ARHGAP24: variants seen among roughly 807,000 people sequenced by gnomAD.
ARHGAP24 encodes rho GTPase-activating protein 24.
A neutral mutation model predicts 76.4 loss-of-function variants in ARHGAP24; 50 were observed. The observed-to-expected ratio is 0.65, with a 90% CI of 0.52 to 0.83. The LOEUF (loss-of-function observed/expected upper bound fraction) is 0.83. Ranked by LOEUF, ARHGAP24 falls within the 40% of genes least tolerant of loss-of-function variation. ARHGAP24 has a pLI of 0.00. For synonymous variants in ARHGAP24, 345 were observed against 323.3 expected (o/e 1.07, Z -0.72); for missense variants, 930 against 914.2 (o/e 1.02, Z -0.22).
chr4:85,603,394 A>G (rs770387965), intron 2 of ARHGAP24, among the ~76,000 whole-genome samples: 35 of 152,184 alleles, frequency 2.3e-4, no homozygotes, highest in Admixed American at 3.3e-4. Flanking sequence ...CTCCCTTCAT[A>G]TAAGAGCTTA....
At chr4:85,753,553 T>C (rs1578198441) in intron 3 of ARHGAP24, among the ~76,000 whole-genome samples, 2 of 152,344 alleles carry the variant, frequency 1.3e-5, no homozygotes, top group South Asian at 4.1e-4. Context: ...CAGAGTAATA[T>C]TTGGAAGTCA....
intron 3 of ARHGAP24, among the ~76,000 whole-genome samples, chr4:85,739,127 C>G (rs1338079300): frequency 1.3e-5 from 2 of 152,184 alleles, no homozygotes; most frequent in African/African-American, 2.4e-5. Context: ...GGCCTTGCCC[C>G]TTTCCTAGCT....
chr4:85,572,228 T>C (rs1237043432), intron 2 of ARHGAP24, among the ~76,000 whole-genome samples: 1 of 152,196 alleles, frequency 6.6e-6, no homozygotes, highest in South Asian at 2.1e-4. Flanking sequence ...AAATTATTTT[T>C]ACCAAACTCA....
chr4:85,554,038 G>T (rs1022016050), intron 1 of ARHGAP24, among the ~76,000 whole-genome samples: 2 of 152,098 alleles, frequency 1.3e-5, no homozygotes, highest in Non-Finnish European at 1.5e-5. Flanking sequence ...CCATTTGCTT[G>T]TCTTACTTCT....
At chr4:85,723,131 A>T (rs1426422150) in intron 3 of ARHGAP24, 1 of 150,470 alleles carries the variant, frequency 6.6e-6, no homozygotes, top group Non-Finnish European at 1.5e-5. Flanking sequence ...AATACCCTGT[A>T]TAGAACCAGA....
chr4:85,819,815 G>C (rs1254638206), intron 3 of ARHGAP24, among the ~76,000 whole-genome samples: 1 of 150,834 alleles, frequency 6.6e-6, no homozygotes, highest in African/African-American at 2.5e-5. Context: ...AGTTACTCGG[G>C]AGGCTGAGGC....
intron 2 of ARHGAP24, among the ~76,000 whole-genome samples, chr4:85,664,988 C>G (rs1427824040): frequency 2.0e-5 from 3 of 152,136 alleles, no homozygotes; most frequent in African/African-American, 7.2e-5. Context: ...AACATATATT[C>G]TATTGATTTG....
intron 3 of ARHGAP24, among the ~76,000 whole-genome samples, chr4:85,887,408 A>G (rs918921342): frequency 1.3e-5 from 2 of 152,174 alleles, no homozygotes; most frequent in African/African-American, 4.8e-5. Flanking sequence ...AAATTTTGAT[A>G]AAGTTTAATG....
intron 2 of ARHGAP24, among the ~76,000 whole-genome samples, chr4:85,653,688 T>C (rs1722031660): frequency 6.6e-6 from 1 of 152,112 alleles, no homozygotes; most frequent in African/African-American, 2.4e-5. Context: ...TTTCACCATG[T>C]TGGCCAGGCT....
chr4:85,737,058 A>G (rs1447830778), intron 3 of ARHGAP24, among the ~76,000 whole-genome samples: 2 of 152,148 alleles, frequency 1.3e-5, no homozygotes, highest in African/African-American at 4.8e-5. Flanking sequence ...AAGGTACTCA[A>G]TGGAAAAAGA....
At chr4:85,631,920 T>A (rs1010973741) in intron 2 of ARHGAP24, among the ~76,000 whole-genome samples, 10 of 152,164 alleles carry the variant, frequency 6.6e-5, no homozygotes, top group South Asian at 4.1e-4. Context: ...ATTCAAAAAA[T>A]TTTTTCTTTA....
intron 2 of ARHGAP24, among the ~76,000 whole-genome samples, chr4:85,702,688 C>T (rs1270156691): frequency 6.6e-6 from 1 of 151,938 alleles, no homozygotes; most frequent in African/African-American, 2.4e-5. Context: ...GTTTTGCATT[C>T]GTTCGCCCTG....
At chr4:85,529,724 C>T (rs895418020) in intron 1 of ARHGAP24, among the ~76,000 whole-genome samples, 2 of 151,884 alleles carry the variant, frequency 1.3e-5, no homozygotes, top group Non-Finnish European at 2.9e-5. Flanking sequence ...GGAGATGTGA[C>T]AAAATCACTC....
chr4:85,475,642 CGGGGGG>C (rs1722552342), intron 1 of ARHGAP24, 83 bp downstream of exon 1: 1 of 32,804 alleles, frequency 3.0e-5, no homozygotes, highest in Non-Finnish European at 7.3e-5. Context: ...GAGGGGGCTG[CGGGGGG>C]CGGGGAGGGG....
intron 3 of ARHGAP24, among the ~76,000 whole-genome samples, chr4:85,880,161 G>A (rs1460972160): frequency 6.6e-6 from 1 of 152,024 alleles, no homozygotes; most frequent in Non-Finnish European, 1.5e-5. Context: ...TAATAAAATA[G>A]AACAATTATA....
At position 85,700,415 on chromosome 4, in the gene ARHGAP24, ATAAAG is replaced by A. The variant is rs1560591762; in HGVS notation, c.181-21469_181-21465del. ...TGTCTAAAAAAAAAAAAATAAATAA[ATAAAG>A]AAGAAGAAGAAAATGGAGCCAACAG... On this transcript the variant is annotated intron_variant, in intron 2 of 9. Coordinates refer to ENST00000395184, the MANE Select transcript of ARHGAP24 (RefSeq NM_001025616.3). Among the ~76,000 whole-genome samples, 70 of 33,752 alleles carry A rather than the reference ATAAAG, an allele frequency of 2.1e-3. 7 individuals carry two copies. The highest frequency in any genetic ancestry group is 0.015 in the South Asian group (11 of 714). The allele number at this position is 33,752 out of a possible 152,430, so 22.1% of individuals were successfully genotyped here. A position where few individuals can be genotyped will look rare whatever the true frequency, so the allele number is the denominator to read the frequency against.
At chr4:85,617,841 C>T (rs555243056) in intron 2 of ARHGAP24, among the ~76,000 whole-genome samples, 10 of 152,104 alleles carry the variant, frequency 6.6e-5, no homozygotes, top group South Asian at 6.2e-4. Flanking sequence ...TTGCTTCCAG[C>T]TTTATTGATG....
intron 3 of ARHGAP24, among the ~76,000 whole-genome samples, chr4:85,899,057 T>C (rs1734351142): frequency 6.6e-6 from 1 of 152,230 alleles, no homozygotes; most frequent in African/African-American, 2.4e-5. Context: ...GTATACATTT[T>C]TTAATGACTA....
chr4:85,932,827 C>T (rs952396993), intron 4 of ARHGAP24, among the ~76,000 whole-genome samples: 43 of 152,144 alleles, frequency 2.8e-4, no homozygotes, highest in African/African-American at 1.0e-3. Context: ...CCGCTGCATC[C>T]CAGGCTCTCT....
Sources: allele counts gnomAD v4.1 joint callset (sites outside exome capture counted in the v4.1 genomes callset), GRCh38; gene constraint gnomAD v4.1.1; transcripts MANE v1.5; gene names NCBI Gene and HGNC (gene_info 2026-07-23, HGNC 2026-07-21).